CTCF: variants seen among roughly 807,000 people sequenced by gnomAD.
The protein encoded by CTCF is transcriptional repressor CTCF.
CTCF carries 7 observed loss-of-function variants against 72.3 expected under a neutral mutation model. That is an observed-to-expected ratio of 0.10 (90% CI 0.06 to 0.18). The LOEUF is 0.18. Ranked by LOEUF, CTCF falls within the 10% of genes least tolerant of loss-of-function variation. CTCF has a pLI of 1.00. For missense variants in CTCF, 516 were observed against 949.1 expected (o/e 0.54, Z 6.00); for synonymous variants, 374 against 315.8 (o/e 1.18, Z -1.95).
At chr16:67,631,168 T>TTTTTTTTTTTTTTG (rs2052359264) in intron 10 of CTCF, among the ~76,000 whole-genome samples, 1 of 137,294 alleles carries the variant, frequency 7.3e-6, no homozygotes, top group African/African-American at 2.8e-5. Context: ...TTTTTTTGTT[T>TTTTTTTTTTTTTTG]TTTGTTTTTT....
chr16:67,604,115 G>A (rs2051936553), intron 2 of CTCF, among the ~76,000 whole-genome samples: 1 of 148,128 alleles, frequency 6.8e-6, no homozygotes, highest in African/African-American at 2.5e-5. Flanking sequence ...GGGCAACAGA[G>A]GAAACCCCGT....
At chr16:67,577,606 T>A (rs920230969) in intron 2 of CTCF, among the ~76,000 whole-genome samples, 3 of 148,148 alleles carry the variant, frequency 2.0e-5, no homozygotes, top group South Asian at 4.3e-4. Context: ...CCTGCCTAAT[T>A]TTTTTTTTTG....
At chr16:67,564,077 GT>G (rs1304217238) in intron 1 of CTCF, 1 of 152,170 alleles carries the variant, frequency 6.6e-6, no homozygotes, top group Non-Finnish European at 1.5e-5. Flanking sequence ...CGCATACGTA[GT>G]CTTCATACTT....
intron 2 of CTCF, among the ~76,000 whole-genome samples, chr16:67,592,276 G>A (rs776072411): frequency 1.3e-5 from 2 of 152,038 alleles, no homozygotes; most frequent in South Asian, 2.1e-4. Flanking sequence ...GCTGGGCATA[G>A]TGGTGTACGC....
intron 8 of CTCF, chr16:67,627,773 C>T (rs1242671484): frequency 6.6e-6 from 1 of 152,448 alleles, no homozygotes; most frequent in African/African-American, 2.4e-5. Context: ...ACAGTGAAAC[C>T]CCGTCTGTAC....
chr16:67,563,567 G>C (rs1352441945), intron 1 of CTCF: 2 of 152,186 alleles, frequency 1.3e-5, no homozygotes, highest in East Asian at 3.8e-4. Context: ...GGACCCGACC[G>C]GTGCGGCCCC....
At chr16:67,627,246 A>G (rs938237263) in intron 8 of CTCF, 5 of 152,288 alleles carry the variant, frequency 3.3e-5, no homozygotes, top group African/African-American at 1.2e-4. Flanking sequence ...TAATCCCAGC[A>G]CTTTGGGAGG....
intron 10 of CTCF, among the ~76,000 whole-genome samples, chr16:67,635,989 T>C (rs1052088021): frequency 2.6e-5 from 4 of 151,822 alleles, no homozygotes; most frequent in African/African-American, 9.7e-5. Flanking sequence ...CCCAGCACTT[T>C]GGGAGGCCGA....
intron 10 of CTCF, among the ~76,000 whole-genome samples, chr16:67,633,631 G>A (rs547915289): frequency 3.9e-5 from 6 of 152,180 alleles, no homozygotes; most frequent in South Asian, 2.1e-4. Flanking sequence ...CTGGCCAGGC[G>A]TGATGGATGA....
intron 2 of CTCF, among the ~76,000 whole-genome samples, chr16:67,580,480 C>T (rs1226544050): frequency 6.6e-6 from 1 of 152,086 alleles, no homozygotes; most frequent in African/African-American, 2.4e-5. Context: ...GTTGGGATTA[C>T]AGGTGTGAGC....
chr16:67,626,484 A>G, intron 7 of CTCF, 71 bp from the exon 8 acceptor site: 1 of 1,013,812 alleles, frequency 9.9e-7, no homozygotes, highest in Non-Finnish European at 1.4e-6. Flanking sequence ...GAATCGAGAA[A>G]TGTATTAGTA....
intron 2 of CTCF, among the ~76,000 whole-genome samples, chr16:67,609,597 G>A (rs1597712059): frequency 6.6e-6 from 1 of 150,730 alleles, no homozygotes; most frequent in Admixed American, 6.6e-5. Context: ...CAGCCTCAGT[G>A]CTCTTGACAT....
intron 7 of CTCF, among the ~76,000 whole-genome samples, chr16:67,621,971 C>G (rs1301154999): frequency 6.6e-6 from 1 of 152,040 alleles, no homozygotes; most frequent in Admixed American, 6.6e-5. Context: ...TGTACTTTCT[C>G]TAGGTAATGG....
At chr16:67,586,143 A>G (rs147505593) in intron 2 of CTCF, among the ~76,000 whole-genome samples, 4,021 of 152,242 alleles carry the variant, frequency 0.026, 99 homozygotes, top group Non-Finnish European at 0.037. Context: ...GCTCACGCCT[A>G]TAATTCCAGC....
intron 2 of CTCF, among the ~76,000 whole-genome samples, chr16:67,604,928 T>C: frequency 6.6e-6 from 1 of 150,844 alleles, no homozygotes; most frequent in East Asian, 1.9e-4. Context: ...TAGTTAGGAT[T>C]ATGCTTAGTC....
chr16:67,577,522 C>G (rs756755650), intron 2 of CTCF, among the ~76,000 whole-genome samples: 18 of 151,094 alleles, frequency 1.2e-4, no homozygotes, highest in Non-Finnish European at 2.1e-4. Flanking sequence ...ACTGCAAGCT[C>G]CGCCTCCCGG....
intron 5 of CTCF, among the ~76,000 whole-genome samples, chr16:67,619,633 T>A (rs2052176646): frequency 6.6e-6 from 1 of 152,176 alleles, no homozygotes; most frequent in Non-Finnish European, 1.5e-5. Flanking sequence ...CAGGCTGGAC[T>A]GCAGTGGCGT....
chr16:67,611,753 A>G (rs750395271), intron 3 of CTCF, 140 bp downstream of exon 3: 47 of 1,031,926 alleles, frequency 4.6e-5, no homozygotes, highest in Non-Finnish European at 6.2e-5. Flanking sequence ...ACCAGTCTAA[A>G]ATAAGTTTTT....
In CTCF at chr16:67,616,815, T is replaced by A; in HGVS notation, c.1023T>A (p.Arg341=). 1 of 1,614,170 alleles carries A rather than the reference T, an allele frequency of 6.2e-7. No homozygotes were observed. The highest frequency in any genetic ancestry group is 8.5e-7 in the Non-Finnish European group (1 of 1,180,032). ...FVTSGELVRH[R]RYKHTHEKPF... ...CCAGTGGAGAATTGGTTCGGCATCG[T>A]CGTTACAAACACACCCACGAGAAGC... Residue 341 remains arginine, a synonymous_variant, in exon 5 of 12, where the codon CGT becomes CGA. Coordinates refer to ENST00000264010, the MANE Select transcript of CTCF (RefSeq NM_006565.4).
Sources: allele counts gnomAD v4.1 joint callset (sites outside exome capture counted in the v4.1 genomes callset), GRCh38; gene constraint gnomAD v4.1.1; transcripts MANE v1.5; gene names NCBI Gene and HGNC (gene_info 2026-07-23, HGNC 2026-07-21).